Variants in CHST9 observed in about 807,000 individuals in gnomAD.
CHST9 encodes carbohydrate sulfotransferase 9.
CHST9 carries 41 observed loss-of-function variants against 44.4 expected under a neutral mutation model. The ratio of observed to expected loss-of-function variants is 0.92; its 90% CI spans 0.72 to 1.20. The LOEUF (loss-of-function observed/expected upper bound fraction) is 1.20. CHST9 is among the 50% of genes most tolerant of loss of function. The pLI, the probability that CHST9 is intolerant of heterozygous loss-of-function variation, is 0.00. For missense variants in CHST9, 504 were observed against 516.5 expected, an observed-to-expected ratio of 0.98 and a Z score of 0.23; for synonymous variants, 171 against 178.4, an observed-to-expected ratio of 0.96 and a Z score of 0.33.
At chr18:27,113,304 T>C (rs2058290459) in intron 2 of CHST9, among the ~76,000 whole-genome samples, 1 of 152,190 alleles carries the variant, frequency 6.6e-6, no homozygotes. Context: ...TTCATTTTAG[T>C]CAAATATCTT....
chr18:26,973,506 A>C (rs2056579654), intron 4 of CHST9, among the ~76,000 whole-genome samples: 1 of 152,248 alleles, frequency 6.6e-6, no homozygotes, highest in Non-Finnish European at 1.5e-5. Flanking sequence ...TGCGGCCTGC[A>C]GGCGGCATGC....
At chr18:27,062,363 C>G (rs2057733548) in intron 2 of CHST9, among the ~76,000 whole-genome samples, 1 of 152,010 alleles carries the variant, frequency 6.6e-6, no homozygotes, top group South Asian at 2.1e-4. Flanking sequence ...TTCCTTTGTC[C>G]AAGTGTTCTC....
chr18:27,025,456 A>AT (rs1394255166), intron 3 of CHST9, among the ~76,000 whole-genome samples: 1 of 151,996 alleles, frequency 6.6e-6, no homozygotes, highest in African/African-American at 2.4e-5. Flanking sequence ...CTTTTAAGTT[A>AT]TTTTTTAGCA....
intron 5 of CHST9, among the ~76,000 whole-genome samples, chr18:26,926,129 G>A (rs2055763517): frequency 6.6e-6 from 1 of 152,184 alleles, no homozygotes; most frequent in African/African-American, 2.4e-5. Flanking sequence ...GGTAAAGAGA[G>A]AAACTACTGA....
intron 1 of CHST9, 27 bp from the exon 2 acceptor site, chr18:27,142,932 T>G (rs2058580279): frequency 1.2e-6 from 1 of 823,140 alleles, no homozygotes; most frequent in Non-Finnish European, 1.8e-6. Context: ...AAATCTACAT[T>G]GTACATTTCT....
rs2055518305 is a variant in CHST9, at chr18:26,916,264, A to G, written c.1327T>C (p.Leu443=). 6.5e-7 allele frequency: 1 copy of G among 1,547,494 alleles called. No homozygotes were observed. Residue 443 remains leucine (L), a synonymous_variant, in exon 6 of 6, where the codon TTG becomes CTG. Coordinates refer to ENST00000618847, the MANE Select transcript of CHST9 (RefSeq NM_031422.6). ...TTTTAGAAAATGAATGCAAACTACAAAAATGGAGTTGTATAATTAAACATT... is the reference window on the plus strand; with the variant it reads ...TTTTAGAAAATGAATGCAAACTACAGAAATGGAGTTGTATAATTAAACATT... ...YLMFNYTTPF[L]
chr18:27,166,650 G>A (rs1367286881), intron 1 of CHST9, among the ~76,000 whole-genome samples: 1 of 152,182 alleles, frequency 6.6e-6, no homozygotes, highest in Non-Finnish European at 1.5e-5. Context: ...CAGTTCAACA[G>A]AAATAATGGT....
chr18:27,053,167 GA>G, intron 2 of CHST9, among the ~76,000 whole-genome samples: 1 of 146,538 alleles, frequency 6.8e-6, no homozygotes, highest in African/African-American at 2.5e-5. Context: ...AGAAGAAGAA[GA>G]AGAAGAAGAA....
intron 3 of CHST9, among the ~76,000 whole-genome samples, chr18:27,029,054 C>T (rs1485606218): frequency 3.3e-5 from 5 of 152,094 alleles, no homozygotes; most frequent in Non-Finnish European, 7.3e-5. Flanking sequence ...AATTCTTTTG[C>T]TCCCTCCCAT....
intron 5 of CHST9, among the ~76,000 whole-genome samples, chr18:26,918,856 A>G (rs2055590365): frequency 6.6e-6 from 1 of 152,004 alleles, no homozygotes; most frequent in Admixed American, 6.6e-5. Context: ...CCCCGTGTAT[A>G]GCCCCGTGTA....
At chr18:27,184,892 C>T (rs2143994991) in intron 1 of CHST9, among the ~76,000 whole-genome samples, 1 of 152,206 alleles carries the variant, frequency 6.6e-6, no homozygotes, top group South Asian at 2.1e-4. Context: ...TCCCCTCCTG[C>T]TCCCGCCCCC....
At chr18:27,068,088 A>G (rs1344427586) in intron 2 of CHST9, among the ~76,000 whole-genome samples, 1 of 152,076 alleles carries the variant, frequency 6.6e-6, no homozygotes, top group East Asian at 1.9e-4. Flanking sequence ...ATTTGCTTAT[A>G]TTGATAAGAA....
intron 4 of CHST9, among the ~76,000 whole-genome samples, chr18:26,975,267 G>C (rs2145178933): frequency 6.6e-6 from 1 of 152,266 alleles, no homozygotes; most frequent in Middle Eastern, 3.4e-3. Flanking sequence ...CCCACACTCA[G>C]CCTGACTTTC....
chr18:27,048,560 A>C, intron 2 of CHST9, 57 bp from the exon 3 acceptor site: 1 of 1,440,138 alleles, frequency 6.9e-7, no homozygotes, highest in Non-Finnish European at 9.6e-7. Flanking sequence ...TATGATGAAA[A>C]TAAGATGAAA....
intron 4 of CHST9, among the ~76,000 whole-genome samples, chr18:26,988,549 C>T (rs962850705): frequency 1.3e-5 from 2 of 152,072 alleles, no homozygotes; most frequent in African/African-American, 2.4e-5. Context: ...ATACATGACA[C>T]AAAAACTGAT....
At chr18:27,090,083 T>C (rs1353095727) in intron 2 of CHST9, among the ~76,000 whole-genome samples, 1 of 152,168 alleles carries the variant, frequency 6.6e-6, no homozygotes, top group African/African-American at 2.4e-5. Flanking sequence ...AGTGCTGGGA[T>C]TACAGGCGTG....
Position 26,963,397 on chromosome 18 carries a change from A to G in CHST9, c.203-19031T>C, listed in dbSNP as rs1182281079. On this transcript the variant is annotated intron_variant, in intron 4 of 5. Transcript: ENST00000618847. ...TGTGTCCTGGTAAGTCATCACCAGGACTAAACAAACATTAATGTTGGTGCT... is the reference window on the plus strand; with the variant it reads ...TGTGTCCTGGTAAGTCATCACCAGGGCTAAACAAACATTAATGTTGGTGCT... 7.9e-5 allele frequency among the ~76,000 whole-genome samples: 12 copies of G among 152,180 alleles called. No homozygotes were observed. In the East Asian group the frequency reaches 1.2e-3, roughly 15 times the overall value.
intron 5 of CHST9, 117 bp downstream of exon 5, chr18:26,944,212 A>C: frequency 1.3e-6 from 1 of 773,020 alleles, no homozygotes; most frequent in Non-Finnish European, 2.2e-6. Flanking sequence ...AACCAATAAC[A>C]TATATATTGC....
At chr18:26,986,202 G>C (rs549780051) in intron 4 of CHST9, among the ~76,000 whole-genome samples, 1 of 152,174 alleles carries the variant, frequency 6.6e-6, no homozygotes, top group South Asian at 2.1e-4. Flanking sequence ...ATATTTTAAA[G>C]AGTTATAACT....
Sources: gnomAD v4.1 joint callset for allele counts (sites outside exome capture counted in the v4.1 genomes callset) on GRCh38, gnomAD v4.1.1 for gene constraint, MANE v1.5 for transcripts, NCBI Gene and HGNC (gene_info 2026-07-23, HGNC 2026-07-21) for gene names.